Variants in COL11A1 observed in about 807,000 individuals in gnomAD.
COL11A1 encodes collagen alpha-1(XI) chain.
In COL11A1, 74 loss-of-function variants were observed where a neutral mutation model predicts 265.2. That is an observed-to-expected ratio of 0.28 (90% CI 0.23 to 0.34). The LOEUF (loss-of-function observed/expected upper bound fraction) is 0.34, where lower values mean the gene tolerates loss of function less well. COL11A1 is among the 10% of genes least tolerant of loss of function. The pLI, the probability that COL11A1 is intolerant of heterozygous loss-of-function variation, is 1.00. For missense variants in COL11A1, 2,165 were observed against 2,263.6 expected (o/e 0.96, Z 0.88); for synonymous variants, 816 against 727.6 (o/e 1.12, Z -1.96).
In COL11A1 at chr1:102,906,126, C is replaced by G. The variant is rs560078869; in HGVS notation, c.4086+6033G>C. Among the ~76,000 whole-genome samples the G allele has an allele frequency of 1.9e-3, 292 of 152,224 alleles. 1 individual carries two copies. Among genetic ancestry groups the G allele is most frequent in the Non-Finnish European group, 3.1e-3 (210 of 68,000 alleles). On this transcript the variant is annotated intron_variant, in intron 54 of 66. Coordinates refer to ENST00000370096, the MANE Select transcript of COL11A1 (RefSeq NM_001854.4). ...TGTTTGAGATTCTGATAGATTCAGG[C>G]ATTAGGCTTTGTGCTTTAAATATAC...
intron 4 of COL11A1, among the ~76,000 whole-genome samples, chr1:103,050,583 A>C (rs191360750): frequency 3.7e-4 from 57 of 152,106 alleles, no homozygotes; most frequent in African/African-American, 1.3e-3. Context: ...GATCGTCTGA[A>C]GCCTTCTTCT....
intron 2 of COL11A1, among the ~76,000 whole-genome samples, chr1:103,081,541 T>G (rs559683159): frequency 6.6e-6 from 1 of 152,060 alleles, no homozygotes. Context: ...TTTGTTCTTG[T>G]TCACCACAAA....
At chr1:102,992,457 A>G (rs952459464) in intron 28 of COL11A1, among the ~76,000 whole-genome samples, 3 of 152,036 alleles carry the variant, frequency 2.0e-5, no homozygotes, top group Non-Finnish European at 4.4e-5. Flanking sequence ...TTAACAATTA[A>G]CATCATTATA....
intron 54 of COL11A1, among the ~76,000 whole-genome samples, chr1:102,900,033 G>A (rs1375089066): frequency 3.3e-5 from 5 of 152,016 alleles, no homozygotes; most frequent in Admixed American, 1.3e-4. Flanking sequence ...AAAATTGCAC[G>A]TGTACCCCAT....
At chr1:103,080,186 A>G (rs2102310362) in intron 2 of COL11A1, among the ~76,000 whole-genome samples, 1 of 152,080 alleles carries the variant, frequency 6.6e-6, no homozygotes, top group African/African-American at 2.4e-5. Flanking sequence ...AAAAACAGCA[A>G]GAGGCATGAA....
At chr1:102,971,853 G>A (rs951666973) in intron 36 of COL11A1, among the ~76,000 whole-genome samples, 12 of 151,892 alleles carry the variant, frequency 7.9e-5, no homozygotes, top group African/African-American at 2.7e-4. Context: ...GGCTACTACT[G>A]CCATCCTCTT....
In COL11A1 at chr1:103,048,849, G is replaced by A. The variant is rs550083251; in HGVS notation, c.652-17605C>T. 5.3e-5 allele frequency among the ~76,000 whole-genome samples: 8 copies of A among 152,058 alleles called. 1 individual carries two copies. In the South Asian group the frequency reaches 8.3e-4, roughly 16 times the overall value. On this transcript the variant is annotated intron_variant, in intron 4 of 66. Transcript: ENST00000370096. Reference sequence around the variant, plus strand: ...ATATCTTTATTTCTGCCTTCATTTCGTTATGTACCCAGTAGTGACTCAGGA... The same window carrying A: ...ATATCTTTATTTCTGCCTTCATTTCATTATGTACCCAGTAGTGACTCAGGA...
At chr1:102,905,493 T>C (rs1162650962) in intron 54 of COL11A1, among the ~76,000 whole-genome samples, 15 of 146,496 alleles carry the variant, frequency 1.0e-4, no homozygotes, top group Non-Finnish European at 2.3e-4. Context: ...GTACCCTGAG[T>C]TGCTAAAGCA....
At chr1:103,059,598 C>T (rs1018453887) in intron 4 of COL11A1, among the ~76,000 whole-genome samples, 2 of 152,004 alleles carry the variant, frequency 1.3e-5, no homozygotes, top group African/African-American at 2.4e-5. Flanking sequence ...CTATGATTCC[C>T]GTGCTAAGAA....
intron 46 of COL11A1, among the ~76,000 whole-genome samples, chr1:102,925,965 T>C (rs1656548987): frequency 1.3e-5 from 2 of 152,112 alleles, no homozygotes; most frequent in Admixed American, 1.3e-4. Flanking sequence ...TTAAAAGGTA[T>C]GTCAATATTA....
intron 7 of COL11A1, among the ~76,000 whole-genome samples, chr1:103,023,884 A>C (rs1234307220): frequency 6.6e-6 from 1 of 152,182 alleles, no homozygotes; most frequent in African/African-American, 2.4e-5. Flanking sequence ...GATAGCTAGC[A>C]ACATTTAGGA....
chr1:103,054,125 A>ATT (rs1236480710), intron 4 of COL11A1, among the ~76,000 whole-genome samples: 3 of 152,162 alleles, frequency 2.0e-5, no homozygotes, highest in African/African-American at 7.2e-5. Context: ...TTTTTACCTA[A>ATT]TGTTTGTTGT....
chr1:103,084,076 T>A (rs2102331449), intron 1 of COL11A1, among the ~76,000 whole-genome samples: 1 of 152,288 alleles, frequency 6.6e-6, no homozygotes, highest in African/African-American at 2.4e-5. Context: ...ACTATTATTA[T>A]CTTTAATTGT....
At chr1:102,887,365 A>G (rs1388258468) in intron 62 of COL11A1, among the ~76,000 whole-genome samples, 1 of 152,092 alleles carries the variant, frequency 6.6e-6, no homozygotes, top group Non-Finnish European at 1.5e-5. Context: ...TTAATTAGTC[A>G]TCATTTATAT....
chr1:103,010,264 T>A (rs546519866), intron 14 of COL11A1, among the ~76,000 whole-genome samples: 1 of 152,200 alleles, frequency 6.6e-6, no homozygotes, highest in African/African-American at 2.4e-5. Context: ...TAGTGAATAC[T>A]TTTTTAGACT....
At chr1:103,009,619 CTG>C (rs1339741335) in intron 14 of COL11A1, among the ~76,000 whole-genome samples, 2 of 152,126 alleles carry the variant, frequency 1.3e-5, no homozygotes, top group Admixed American at 1.3e-4. Flanking sequence ...TGCTGAAATA[CTG>C]TGTGTTCTAA....
Position 103,005,900 on chromosome 1 carries a change from C to CCATCATCAT in COL11A1, c.1792-18_1792-10dup, listed in dbSNP as rs71752747. ...TCAAACCCTCGATCTCCCTGTAAAA[C>CCATCATCAT]CATCATCATCATCATCATCATCATC... On this transcript the variant is annotated splice_polypyrimidine_tract_variant and intron_variant, in intron 17 of 66. Transcript: ENST00000370096. 5.9e-6 allele frequency: 9 copies of CCATCATCAT among 1,518,594 alleles called. No individual in the cohort carries two copies. In the African/African-American group the frequency reaches 1.1e-4, roughly 18 times the overall value. 94.1% of individuals were successfully genotyped at this position (1,518,594 alleles called of 1,614,324 possible). A position where few individuals can be genotyped will look rare whatever the true frequency, so the allele number is the denominator to read the frequency against.
At chr1:102,889,701 G>T in intron 58 of COL11A1, 139 bp from the exon 59 acceptor site, 2 of 687,058 alleles carry the variant, frequency 2.9e-6, no homozygotes, top group Non-Finnish European at 2.6e-6. Context: ...ATACCCTTCT[G>T]AATGAAATAT....
At chr1:102,905,975 C>A (rs1653933124) in intron 54 of COL11A1, among the ~76,000 whole-genome samples, 1 of 151,952 alleles carries the variant, frequency 6.6e-6, no homozygotes, top group African/African-American at 2.4e-5. Flanking sequence ...TTCATGTATA[C>A]AACTAGGATA....
Sources: gnomAD v4.1 joint callset for allele counts (sites outside exome capture counted in the v4.1 genomes callset) on GRCh38, gnomAD v4.1.1 for gene constraint, MANE v1.5 for transcripts, NCBI Gene and HGNC (gene_info 2026-07-23, HGNC 2026-07-21) for gene names.